The following MADD variants were observed in gnomAD, a reference collection of about 807,000 sequenced individuals.
MADD encodes MAP kinase-activating death domain protein.
MADD carries 109 observed loss-of-function variants against 176.7 expected under a neutral mutation model. The ratio of observed to expected loss-of-function variants is 0.62; its 90% confidence interval spans 0.53 to 0.72. The LOEUF (loss-of-function observed/expected upper bound fraction) is 0.72, where lower values mean the gene tolerates loss of function less well. Ranked by LOEUF, MADD falls within the 30% of genes least tolerant of loss-of-function variation. MADD has a pLI of 0.00. For missense variants in MADD, 1,914 were observed against 2,045.5 expected (o/e 0.94, Z 1.24); for synonymous variants, 771 against 771.3 (o/e 1.00, Z 0.01).
intron 19 of MADD, among the ~76,000 whole-genome samples, chr11:47,292,325 T>C (rs2066021532): frequency 6.6e-6 from 1 of 152,134 alleles, no homozygotes; most frequent in Admixed American, 6.5e-5. Flanking sequence ...CACATTGGGA[T>C]TGGAATTAGA....
intron 26 of MADD, among the ~76,000 whole-genome samples, chr11:47,314,288 C>T (rs1282711926): frequency 6.6e-6 from 1 of 151,184 alleles, no homozygotes. Flanking sequence ...CCAGGCTGGT[C>T]TCCAACTCCT....
At chr11:47,329,864 C>T (rs2095828915) in exon 33 of MADD, 1 of 152,624 alleles carries the variant, frequency 6.6e-6, no homozygotes, top group South Asian at 2.1e-4. Context: ...GCAGGAAAGA[C>T]CAAGCTGGGT....
At chr11:47,302,669 T>C (rs1413399507) in intron 22 of MADD, among the ~76,000 whole-genome samples, 1 of 152,194 alleles carries the variant, frequency 6.6e-6, no homozygotes, top group Admixed American at 6.5e-5. Context: ...GTAGGCAGCA[T>C]ATAGTTAGGT....
intron 27 of MADD, among the ~76,000 whole-genome samples, chr11:47,316,890 C>T (rs2141434726): frequency 6.6e-6 from 1 of 152,122 alleles, no homozygotes; most frequent in African/African-American, 2.4e-5. Flanking sequence ...ATTACAGTCG[C>T]CCACCACCAT....
intron 12 of MADD, 150 bp downstream of exon 12, chr11:47,284,715 G>C: frequency 8.0e-7 from 1 of 1,246,424 alleles, no homozygotes; most frequent in Non-Finnish European, 1.1e-6. Flanking sequence ...GAGCCTAAGA[G>C]ACCTACTTTT....
rs762274894 is a variant in MADD, at chr11:47,284,414, G to A, written c.2006G>A (p.Ser669Asn). ...ACACATGCAGCACTGGGGGATGCCA[G>A]CGAGGTGGAGATTGACGAGCTGCAG... The change falls in exon 12 of 33, where the codon AGC becomes AAC. Residue 669 changes from serine to asparagine, a missense_variant. By Grantham distance (46) the Ser-to-Asn change is conservative. This residue lies in a region of MADD where 1,767 missense variants were observed against 1,836.0 expected (regional missense o/e 0.96). Coordinates refer to ENST00000402192, the Ensembl canonical transcript of MADD. 3 of 1,614,074 alleles carry A rather than the reference G, an allele frequency of 1.9e-6. No homozygotes were observed. In the African/African-American group the frequency reaches 4.0e-5, roughly 22 times the overall value.
intron 31 of MADD, chr11:47,327,432 C>G: frequency 3.0e-6 from 3 of 985,402 alleles, no homozygotes; most frequent in Non-Finnish European, 3.6e-6. Flanking sequence ...TGAAAACCTT[C>G]GTTCTCCAGC....
chr11:47,285,250 A>G (rs2059788443), intron 13 of MADD, 56 bp downstream of exon 13: 1 of 1,590,332 alleles, frequency 6.3e-7, no homozygotes, highest in Admixed American at 1.7e-5. Flanking sequence ...ACCTCAGTGG[A>G]CCCTGGGCAA....
intron 3 of MADD, 149 bp from the exon 4 acceptor site, chr11:47,275,750 T>C: frequency 2.7e-6 from 2 of 728,204 alleles, no homozygotes; most frequent in Admixed American, 2.7e-5. Flanking sequence ...GTATATACTT[T>C]CCGGTCCTAT....
rs767114350 is a variant in MADD at position 47,301,026 on chromosome 11, CTCTT to C, written c.3642+4973_3642+4976del. Among the ~76,000 whole-genome samples the C allele has an allele frequency of 1.9e-4, 26 of 136,388 alleles. No homozygotes were observed. The East Asian group carries it at 2.1e-3, about 11-fold the overall frequency. The allele number at this position is 136,388 out of a possible 152,430, so 89.5% of individuals were successfully genotyped here. On this transcript the variant is annotated intron_variant, in intron 22 of 32. Transcript: ENST00000402192. ...CTTGGTGGAGGTCTTTTCACTCTCT[CTCTT>C]TTTTTTTTTTTGGTTAGTCTAGCTC...
chr11:47,271,873 T>C (rs551168955), intron 1 of MADD: 4 of 152,324 alleles, frequency 2.6e-5, no homozygotes, highest in South Asian at 2.1e-4. Context: ...GGCTCTGTTA[T>C]AGTGCCCCAC....
intron 14 of MADD, 62 bp downstream of exon 14, chr11:47,285,652 C>G: frequency 1.2e-6 from 2 of 1,603,534 alleles, no homozygotes; most frequent in Non-Finnish European, 1.7e-6. Flanking sequence ...CAGAGCCTGA[C>G]TATGGCAAAT....
chr11:47,324,572 A>C (rs780465308), exon 30 of MADD: 2 of 1,610,886 alleles, frequency 1.2e-6, no homozygotes, highest in Admixed American at 3.3e-5. Flanking sequence ...ATTCATGCAC[A>C]ATCAGGTAGG....
chr11:47,278,166 T>G, exon 6 of MADD: 1 of 1,608,908 alleles, frequency 6.2e-7, no homozygotes, highest in Non-Finnish European at 8.5e-7. Flanking sequence ...TTTCCACAGC[T>G]GCTGTTGGCT....
intron 27 of MADD, among the ~76,000 whole-genome samples, chr11:47,315,578 A>T (rs1594883823): frequency 6.6e-6 from 1 of 151,612 alleles, no homozygotes; most frequent in Non-Finnish European, 1.5e-5. Context: ...GGGTTCAAGC[A>T]GTTCTCCTGC....
rs368851398 is a variant in MADD at position 47,284,967 on chromosome 11, T to C, written c.2184T>C (p.Asp728=). The C allele has an allele frequency of 3.1e-6, 5 of 1,613,718 alleles. No homozygotes were observed. The African/African-American group carries it at 5.3e-5, about 17-fold the overall frequency. The change falls in exon 13 of 33, where the codon GAT becomes GAC. Residue 728 remains aspartate (D), a synonymous_variant. Transcript: ENST00000402192. Reference sequence around the variant, plus strand: ...AACCTGCTGACTCTACGGAGATGGATGATAAGGCAGCAGTAGGCGTCTCCA... The same window carrying C: ...AACCTGCTGACTCTACGGAGATGGACGATAAGGCAGCAGTAGGCGTCTCCA...
chr11:47,328,591 G>A, intron 31 of MADD, 67 bp from the exon 36 acceptor site: 2 of 1,609,788 alleles, frequency 1.2e-6, no homozygotes, highest in African/African-American at 2.7e-5. Flanking sequence ...CTGCCGCCTG[G>A]GGGAGCATGG....
intron 26 of MADD, among the ~76,000 whole-genome samples, chr11:47,312,069 T>C (rs1409647140): frequency 6.6e-6 from 1 of 152,228 alleles, no homozygotes; most frequent in Non-Finnish European, 1.5e-5. Context: ...GTGAAAACGA[T>C]TTCAAATGAT....
At chr11:47,288,619 A>G (rs939089211) in intron 15 of MADD, among the ~76,000 whole-genome samples, 5 of 152,158 alleles carry the variant, frequency 3.3e-5, no homozygotes, top group Non-Finnish European at 5.9e-5. Flanking sequence ...CATCTGCAAG[A>G]TGGGTTGCTT....
Sources: gnomAD v4.1 joint callset for allele counts (sites outside exome capture counted in the v4.1 genomes callset) on GRCh38, gnomAD v4.1.1 for gene constraint, gnomAD v4.1.1 regional missense constraint, MANE v1.5 for transcripts, NCBI Gene and HGNC (gene_info 2026-07-23, HGNC 2026-07-21) for gene names.